The following CUX2 variants were observed in gnomAD, a reference collection of about 807,000 sequenced individuals.
CUX2 encodes homeobox protein cut-like 2.
In CUX2, 40 loss-of-function variants were observed where a neutral mutation model predicts 144.8. The observed-to-expected ratio is 0.28, with a 90% CI of 0.21 to 0.36. The LOEUF (loss-of-function observed/expected upper bound fraction) is 0.36, where lower values mean the gene tolerates loss of function less well. CUX2 is among the 10% of genes least tolerant of loss of function. CUX2 has a pLI of 1.00. For synonymous variants in CUX2, 827 were observed against 875.6 expected (o/e 0.94, Z 0.98); for missense variants, 1,615 against 1,994.0 (o/e 0.81, Z 3.62).
intron 1 of CUX2, among the ~76,000 whole-genome samples, chr12:111,183,603 T>C (rs1444136220): frequency 6.6e-6 from 1 of 152,192 alleles, no homozygotes; most frequent in Admixed American, 6.5e-5. Context: ...CCCAGCCTCA[T>C]CACATTCTTA....
At chr12:111,065,001 C>T (rs1389091943) in intron 1 of CUX2, among the ~76,000 whole-genome samples, 2 of 152,304 alleles carry the variant, frequency 1.3e-5, no homozygotes, top group East Asian at 3.9e-4. Context: ...ATAATAATTT[C>T]ATTATCTGAA....
At chr12:111,082,570 C>T (rs1357146864) in intron 1 of CUX2, among the ~76,000 whole-genome samples, 1 of 152,168 alleles carries the variant, frequency 6.6e-6, no homozygotes, top group Non-Finnish European at 1.5e-5. Flanking sequence ...TGTTAAAGCC[C>T]AGGGTGTAGG....
chr12:111,243,514 T>TTTTC (rs1292525886), intron 3 of CUX2, among the ~76,000 whole-genome samples: 1 of 142,588 alleles, frequency 7.0e-6, no homozygotes, highest in African/African-American at 2.7e-5. Context: ...TTTTTTTTTT[T>TTTTC]TTTTTTTGAG....
chr12:111,213,163 A>G (rs1025825729), intron 1 of CUX2, among the ~76,000 whole-genome samples: 1 of 152,242 alleles, frequency 6.6e-6, no homozygotes, highest in Non-Finnish European at 1.5e-5. Flanking sequence ...GATTGCTGCA[A>G]ATATAATCGG....
chr12:111,224,184 C>T (rs2136235997), intron 3 of CUX2, among the ~76,000 whole-genome samples: 1 of 152,284 alleles, frequency 6.6e-6, no homozygotes, highest in South Asian at 2.1e-4. Context: ...CCCCGTCCTC[C>T]CTGCCCCAGG....
chr12:111,262,188 G>A (rs1423735793), intron 3 of CUX2, among the ~76,000 whole-genome samples: 3 of 152,132 alleles, frequency 2.0e-5, no homozygotes, highest in Non-Finnish European at 4.4e-5. Flanking sequence ...CGGACTGTAA[G>A]TCCCATAAGG....
chr12:111,087,755 T>C (rs1177020928), intron 1 of CUX2, among the ~76,000 whole-genome samples: 2 of 152,202 alleles, frequency 1.3e-5, no homozygotes, highest in Admixed American at 6.5e-5. Flanking sequence ...TGGATATCTG[T>C]TGAATGAATG....
chr12:111,312,083 C>G lies in CUX2; in HGVS notation c.1901-17C>G, dbSNP rs761574881. ...CAACATGCAGATCCTGCCACAGATG[C>G]CTTCTTGCCTCCCCAGGCAGCATCA... On this transcript the variant is annotated splice_polypyrimidine_tract_variant and intron_variant, in intron 15 of 21. Transcript: ENST00000261726. This position sits in a 1 kb window ranked among gnomAD's most constrained non-coding sequence, Gnocchi z 4.3. 7 of 1,601,164 alleles carry G rather than the reference C, an allele frequency of 4.4e-6. No individual in the cohort carries two copies. The highest frequency in any genetic ancestry group is 1.7e-5 in the Admixed American group (1 of 59,102).
intron 1 of CUX2, among the ~76,000 whole-genome samples, chr12:111,054,296 C>G (rs1870421177): frequency 1.3e-5 from 2 of 152,208 alleles, no homozygotes; most frequent in South Asian, 4.1e-4. Flanking sequence ...CTGCTGAGCC[C>G]AGGCCTCCCT....
chr12:111,317,231 C>G (rs1887241098), intron 16 of CUX2, among the ~76,000 whole-genome samples: 1 of 152,130 alleles, frequency 6.6e-6, no homozygotes, highest in South Asian at 2.1e-4. Context: ...GCTAGAGAGA[C>G]TCTGGTGTCG....
At chr12:111,172,264 C>A (rs1284195199) in intron 1 of CUX2, among the ~76,000 whole-genome samples, 1 of 152,128 alleles carries the variant, frequency 6.6e-6, no homozygotes, top group Non-Finnish European at 1.5e-5. Context: ...GCATCTGAAC[C>A]AGAACTAAAT....
At chr12:111,227,021 G>A (rs1882185052) in intron 3 of CUX2, among the ~76,000 whole-genome samples, 1 of 152,198 alleles carries the variant, frequency 6.6e-6, no homozygotes, top group African/African-American at 2.4e-5. Context: ...CCTCCTGGGA[G>A]GTGGGAGACA....
At chr12:111,203,937 C>A (rs951366253) in intron 1 of CUX2, among the ~76,000 whole-genome samples, 2 of 152,202 alleles carry the variant, frequency 1.3e-5, no homozygotes, top group African/African-American at 4.8e-5. Context: ...CTAAGGCAGG[C>A]GGAGCAGCTG....
rs919221202 is a variant in CUX2 at position 111,320,114 on chromosome 12, G to A, written c.2105G>A (p.Arg702His). 3 of 1,557,588 alleles carry A rather than the reference G, an allele frequency of 1.9e-6. No homozygotes were observed. The highest frequency in any genetic ancestry group is 2.6e-6 in the Non-Finnish European group (3 of 1,155,004). The change falls in exon 17 of 22, where the codon CGT (arginine) becomes CAT (histidine). Residue 702 changes from arginine (R) to histidine (H), a missense_variant. By Grantham distance (29) the Arg-to-His change is conservative. Around this residue, in one of 12 missense-constraint regions of CUX2, gnomAD observed 390 missense variants for 387.1 expected, o/e 1.01. Coordinates refer to ENST00000261726, the MANE Select transcript of CUX2 (RefSeq NM_015267.4). This position sits in a 1 kb window ranked among gnomAD's most constrained non-coding sequence, Gnocchi z 8.1. ...AIKSILEQAR[R>H]EMQAQQQALL... ...AAGAGCATCCTGGAGCAGGCACGCC[G>A]TGAGATGCAGGCGCAACAGCAGGCG...
At chr12:111,083,184 G>A (rs990992483) in intron 1 of CUX2, among the ~76,000 whole-genome samples, 1 of 152,120 alleles carries the variant, frequency 6.6e-6, no homozygotes, top group Non-Finnish European at 1.5e-5. Context: ...AAGAACCACG[G>A]TACCACCTTA....
At chr12:111,225,186 T>C (rs1485868045) in intron 3 of CUX2, among the ~76,000 whole-genome samples, 1 of 152,122 alleles carries the variant, frequency 6.6e-6, no homozygotes, top group African/African-American at 2.4e-5. Context: ...CCTCAATGAG[T>C]TGATACTTGA....
intron 1 of CUX2, among the ~76,000 whole-genome samples, chr12:111,175,404 CA>C (rs57411197): frequency 0.011 from 1,514 of 143,448 alleles, 22 homozygotes; most frequent in African/African-American, 0.037. Context: ...GAACCTTCCT[CA>C]AAGTGGTGAG....
At chr12:111,197,521 A>G (rs1240163927) in intron 1 of CUX2, among the ~76,000 whole-genome samples, 1 of 152,220 alleles carries the variant, frequency 6.6e-6, no homozygotes, top group Non-Finnish European at 1.5e-5. Flanking sequence ...CGTACATGCT[A>G]CTGGCTTGTT....
Position 111,310,302 on chromosome 12 carries a change from TC to T in CUX2, c.1526del (p.Pro509GlnfsTer54), listed in dbSNP as rs2136373378. ...GGAGAGGCGGGCGGCCTGCTGGTGT[TC>T]CCCCCAGCCTTCTATGGCGCCAAGC... Reference protein sequence around the residue: ...FKGEAGGLLVFPPAFYGAKPP... With the variant: ...FKGEAGGLLVXPPAFYGAKPP... On this transcript the variant is annotated frameshift_variant, in exon 15 of 22. Coordinates refer to ENST00000261726, the MANE Select transcript of CUX2 (RefSeq NM_015267.4). LOFTEE classifies it high-confidence loss of function. This position sits in a 1 kb window ranked among gnomAD's most constrained non-coding sequence, Gnocchi z 7.9. The T allele has an allele frequency of 2.0e-6, 3 of 1,492,832 alleles. No individual in the cohort carries two copies. Among genetic ancestry groups the T allele is most frequent in the Non-Finnish European group, 2.7e-6 (3 of 1,117,728 alleles). 92.5% of individuals were successfully genotyped at this position (1,492,832 alleles called of 1,614,324 possible).
Sources: allele counts gnomAD v4.1 joint callset (sites outside exome capture counted in the v4.1 genomes callset), GRCh38; gene constraint gnomAD v4.1.1; regional missense constraint gnomAD v4.1.1; non-coding constraint Gnocchi (gnomAD v3.1); transcripts MANE v1.5; gene names NCBI Gene and HGNC (gene_info 2026-07-23, HGNC 2026-07-21).